EPS8: variants seen among roughly 807,000 people sequenced by gnomAD.
EPS8 encodes epidermal growth factor receptor kinase substrate 8.
A neutral mutation model predicts 103.8 loss-of-function variants in EPS8; 42 were observed. The ratio of observed to expected loss-of-function variants is 0.40; its 90% CI spans 0.32 to 0.52. The LOEUF (loss-of-function observed/expected upper bound fraction) is 0.52. Ranked by LOEUF, EPS8 falls within the 20% of genes least tolerant of loss-of-function variation. The probability of loss-of-function intolerance (pLI) is 0.40; values close to 1 mark genes in which losing one functional copy is unlikely to be tolerated. For synonymous variants in EPS8, 344 were observed against 344.6 expected, an observed-to-expected ratio of 1.00 and a Z score of 0.02; for missense variants, 969 against 1,005.1, an observed-to-expected ratio of 0.96 and a Z score of 0.49.
At chr12:15,744,542 T>A (rs1160084795) in intron 1 of EPS8, among the ~76,000 whole-genome samples, 1 of 152,236 alleles carries the variant, frequency 6.6e-6, no homozygotes, top group African/African-American at 2.4e-5. Flanking sequence ...GATTCCAGGC[T>A]CTTTTTTAAG....
chr12:15,647,067 T>C, intron 15 of EPS8, 60 bp downstream of exon 15: 1 of 1,506,706 alleles, frequency 6.6e-7, no homozygotes, highest in Non-Finnish European at 9.0e-7. Context: ...GTCACCTCTG[T>C]TAGCACTAGA....
At chr12:15,775,317 C>T (rs1947197301) in intron 1 of EPS8, among the ~76,000 whole-genome samples, 1 of 152,028 alleles carries the variant, frequency 6.6e-6, no homozygotes, top group Admixed American at 6.6e-5. Flanking sequence ...GGAAAAAATA[C>T]TGAATACCGT....
chr12:15,624,252 A>T lies in EPS8; in HGVS notation c.2200T>A (p.Leu734Ile). The change falls in exon 19 of 21, where the codon TTA becomes ATA. Residue 734 changes from leucine (L) to isoleucine (I), a missense_variant. Leu to Ile is a conservative substitution (Grantham distance 5). Coordinates refer to ENST00000281172, the MANE Select transcript of EPS8 (RefSeq NM_004447.6). Reference sequence around the variant, plus strand: ...ACAGGGTTGAATCCCTTTGACTGTAACCACGTCTTCACATCCTCTGGTGTG... The same window carrying T: ...ACAGGGTTGAATCCCTTTGACTGTATCCACGTCTTCACATCCTCTGGTGTG... ...DSTPEDVKTW[L>I]QSKGFNPVTV... 1.2e-6 allele frequency: 2 copies of T among 1,613,700 alleles called. No individual in the cohort carries two copies. Among genetic ancestry groups the T allele is most frequent in the Non-Finnish European group, 1.7e-6 (2 of 1,179,924 alleles).
intron 1 of EPS8, among the ~76,000 whole-genome samples, chr12:15,710,561 T>G (rs1432523280): frequency 2.6e-5 from 4 of 152,198 alleles, no homozygotes; most frequent in African/African-American, 7.2e-5. Flanking sequence ...CCACAAGTTT[T>G]TTCTAATCAA....
In EPS8 at chr12:15,639,331, A is replaced by C. The variant is rs562588432; in HGVS notation, c.1821+1372T>G. Among the ~76,000 whole-genome samples the C allele has an allele frequency of 5.3e-5, 8 of 152,288 alleles. No individual in the cohort carries two copies. The South Asian group carries it at 1.7e-3, about 32-fold the overall frequency. On this transcript the variant is annotated intron_variant, in intron 17 of 20. Transcript: ENST00000281172. ...CATATATTATATTAGGTAAACAGAT[A>C]TTAAACTCAGAAAAGTAGGAACTAA...
chr12:15,711,116 G>C (rs375961734), intron 1 of EPS8, among the ~76,000 whole-genome samples: 1 of 151,446 alleles, frequency 6.6e-6, no homozygotes, highest in East Asian at 1.9e-4. Flanking sequence ...TGATGCCCAG[G>C]CTGGCCTTGA....
chr12:15,724,482 C>G (rs951060198), intron 1 of EPS8, among the ~76,000 whole-genome samples: 5 of 152,086 alleles, frequency 3.3e-5, no homozygotes, highest in African/African-American at 1.2e-4. Flanking sequence ...TAGCATTGCT[C>G]TATTTTGTAA....
chr12:15,668,091 A>G (rs1054228526), intron 6 of EPS8, among the ~76,000 whole-genome samples: 22 of 152,290 alleles, frequency 1.4e-4, no homozygotes, highest in African/African-American at 5.3e-4. Context: ...AAAGCAAAAT[A>G]TTCCCTTTAA....
chr12:15,737,119 A>T (rs918965976), intron 1 of EPS8, among the ~76,000 whole-genome samples: 1 of 152,154 alleles, frequency 6.6e-6, no homozygotes, highest in Non-Finnish European at 1.5e-5. Context: ...AGTGTACTAA[A>T]CACAATAGTG....
intron 3 of EPS8, among the ~76,000 whole-genome samples, chr12:15,678,942 A>T (rs1945957454): frequency 6.7e-6 from 1 of 149,472 alleles, no homozygotes; most frequent in South Asian, 2.1e-4. Context: ...AAAAAGTAAG[A>T]TTTTTCATTC....
Position 15,771,808 on chromosome 12 carries a change from A to G in EPS8, c.-22+17353T>C, listed in dbSNP as rs532539882. On this transcript the variant is annotated intron_variant, in intron 1 of 20. Transcript: ENST00000281172. This position sits in a 1 kb window ranked among gnomAD's most constrained non-coding sequence, Gnocchi z 4.6. ...ATTACAAAGAATTCTTTGTGGCAGT[A>G]TTGAGAGCTAATTTCAATACAAAAG... Among the ~76,000 whole-genome samples the G allele has an allele frequency of 5.9e-5, 9 of 152,202 alleles. No individual in the cohort carries two copies. The South Asian group carries it at 1.9e-3, about 32-fold the overall frequency.
At position 15,701,360 on chromosome 12, in the gene EPS8, A is replaced by G. The variant is rs983451964; in HGVS notation, c.-21-18388T>C. 6.6e-6 allele frequency among the ~76,000 whole-genome samples: 1 copy of G among 152,222 alleles called. No individual in the cohort carries two copies. Among genetic ancestry groups the G allele is most frequent in the African/African-American group, 2.4e-5 (1 of 41,450 alleles). Reference sequence around the variant, plus strand: ...TGCCTTGCTCAGTATCACAGTTAGTACATGGTAAAGCCTCAGACACAGGCA... The same window carrying G: ...TGCCTTGCTCAGTATCACAGTTAGTGCATGGTAAAGCCTCAGACACAGGCA... On this transcript the variant is annotated intron_variant, in intron 1 of 20. Coordinates refer to ENST00000281172, the MANE Select transcript of EPS8 (RefSeq NM_004447.6). This position sits in a 1 kb window ranked among gnomAD's most constrained non-coding sequence, Gnocchi z 5.1.
chr12:15,788,574 G>T (rs964687830), intron 1 of EPS8, among the ~76,000 whole-genome samples: 6 of 152,190 alleles, frequency 3.9e-5, no homozygotes, highest in Non-Finnish European at 7.3e-5. Context: ...GAGAAAGGCC[G>T]TCTGTCTTCC....
At position 15,621,443 on chromosome 12, in the gene EPS8, C is replaced by G. The variant is rs569945732; in HGVS notation, c.2356-13G>C. 6.8e-7 allele frequency: 1 copy of G among 1,461,960 alleles called. No homozygotes were observed. Among genetic ancestry groups the G allele is most frequent in the Non-Finnish European group, 9.5e-7 (1 of 1,052,482 alleles). The allele number at this position is 1,461,960 out of a possible 1,614,324, so 90.6% of individuals were successfully genotyped here. ...TGCCACTGCTATCCTGAAAGATAAA[C>G]AGTTCAGACAAGATAGTTACTGACT... On this transcript the variant is annotated splice_polypyrimidine_tract_variant and intron_variant, in intron 20 of 20. Transcript: ENST00000281172.
At chr12:15,742,471 T>C (rs1946835124) in intron 1 of EPS8, among the ~76,000 whole-genome samples, 1 of 152,204 alleles carries the variant, frequency 6.6e-6, no homozygotes. Flanking sequence ...AAGAGAATTT[T>C]AGACCAATAT....
rs538441067 is a variant in EPS8, at chr12:15,769,645, G to T, written c.-22+19516C>A. On this transcript the variant is annotated intron_variant, in intron 1 of 20. Coordinates refer to ENST00000281172, the MANE Select transcript of EPS8 (RefSeq NM_004447.6). The surrounding 1 kb of genome is among the most constrained non-coding windows in gnomAD (Gnocchi z 4.6). ...AAAATAATCTCTATATAATTATTCTGCACATCACGAGAATATTCAAGACTC... is the reference window on the plus strand; with the variant it reads ...AAAATAATCTCTATATAATTATTCTTCACATCACGAGAATATTCAAGACTC... Among the ~76,000 whole-genome samples the T allele has an allele frequency of 6.6e-6, 1 of 152,094 alleles. No individual in the cohort carries two copies. Among genetic ancestry groups the T allele is most frequent in the Non-Finnish European group, 1.5e-5 (1 of 68,020 alleles).
In EPS8 at chr12:15,620,978, T is replaced by C. The variant is rs187056411; in HGVS notation, c.*339A>G. On this transcript the variant is annotated 3_prime_UTR_variant, in exon 21 of 21. Coordinates refer to ENST00000281172, the MANE Select transcript of EPS8 (RefSeq NM_004447.6). ...AGATTTTGAATCATGGACAACATTG[T>C]TGCTTTGTTGCAGTGAATAACTCCA... 2 of 195,916 alleles carry C rather than the reference T, an allele frequency of 1.0e-5. No individual in the cohort carries two copies. Among genetic ancestry groups the C allele is most frequent in the African/African-American group, 4.7e-5 (2 of 42,538 alleles). The allele number at this position is 195,916 out of a possible 1,614,324, so 12.1% of individuals were successfully genotyped here. A position where few individuals can be genotyped will look rare whatever the true frequency, so the allele number is the denominator to read the frequency against.
At position 15,713,151 on chromosome 12, in the gene EPS8, G is replaced by T; in HGVS notation, c.-21-30179C>A. 1 of 214,446 alleles carries T rather than the reference G, an allele frequency of 4.7e-6. No homozygotes were observed. The highest frequency in any genetic ancestry group is 8.0e-6 in the Non-Finnish European group (1 of 125,238). 13.3% of individuals were successfully genotyped at this position (214,446 alleles called of 1,614,324 possible). On this transcript the variant is annotated intron_variant, in intron 1 of 20. Transcript: ENST00000281172. This position sits in a 1 kb window ranked among gnomAD's most constrained non-coding sequence, Gnocchi z 4.8. ...TAAATGGTGAAAATAATACTGGCTAGCATTGACTGAAAGCTTACTGTGTGG... is the reference window on the plus strand; with the variant it reads ...TAAATGGTGAAAATAATACTGGCTATCATTGACTGAAAGCTTACTGTGTGG...
rs1946999229 is a variant in EPS8, at chr12:15,757,542, A to G, written c.-22+31619T>C. Among the ~76,000 whole-genome samples the G allele has an allele frequency of 6.6e-6, 1 of 152,128 alleles. No individual in the cohort carries two copies. The highest frequency in any genetic ancestry group is 2.4e-5 in the African/African-American group (1 of 41,440). On this transcript the variant is annotated intron_variant, in intron 1 of 20. Transcript: ENST00000281172. This position sits in a 1 kb window ranked among gnomAD's most constrained non-coding sequence, Gnocchi z 4.1. ...TTGCTCAGGAGGCTGAGGCAGGAGA[A>G]TCGCTTGAACCCAGGAGCCAGAAGT... is the stretch of plus-strand genomic sequence containing the variant.
Sources: gnomAD v4.1 joint callset for allele counts (sites outside exome capture counted in the v4.1 genomes callset) on GRCh38, gnomAD v4.1.1 for gene constraint, Gnocchi (gnomAD v3.1) non-coding constraint, MANE v1.5 for transcripts, NCBI Gene and HGNC (gene_info 2026-07-23, HGNC 2026-07-21) for gene names.